The following RBM6 variants were observed in gnomAD, a reference collection of about 807,000 sequenced individuals.
The protein encoded by RBM6 is RNA binding motif protein 6.
A neutral mutation model predicts 140.4 loss-of-function variants in RBM6; 23 were observed. The observed-to-expected ratio is 0.16, with a 90% CI of 0.12 to 0.23. The LOEUF (loss-of-function observed/expected upper bound fraction) is 0.23, where lower values mean the gene tolerates loss of function less well. Ranked by LOEUF, RBM6 falls within the 10% of genes least tolerant of loss-of-function variation. RBM6 has a pLI of 1.00. For synonymous variants in RBM6, 439 were observed against 475.6 expected (o/e 0.92, Z 1.00); for missense variants, 1,139 against 1,386.7 (o/e 0.82, Z 2.84).
At chr3:50,013,589 A>G (rs1435434852) in intron 6 of RBM6, among the ~76,000 whole-genome samples, 1 of 151,774 alleles carries the variant, frequency 6.6e-6, no homozygotes, top group African/African-American at 2.4e-5. Context: ...AATCGCTTGA[A>G]CCCTGGAGGT....
chr3:50,075,459 T>C, intron 20 of RBM6, 129 bp downstream of exon 20: 1 of 1,265,536 alleles, frequency 7.9e-7, no homozygotes. Flanking sequence ...GACATGAGAG[T>C]TGAACACTTT....
intron 17 of RBM6, among the ~76,000 whole-genome samples, chr3:50,066,782 C>T (rs2090136600): frequency 6.6e-6 from 1 of 151,874 alleles, no homozygotes; most frequent in Non-Finnish European, 1.5e-5. Context: ...GAGCCGAGAT[C>T]GTGCCACTGC....
In RBM6 at chr3:49,967,354, C is replaced by T. The variant is rs2084555990; in HGVS notation, c.45-116C>T. ...GCAGATCTAGGACCTTGTTACAGAA[C>T]TCTGCCAAAAAAAAAATGTTTACAG... On this transcript the variant is annotated intron_variant, in intron 2 of 20. Transcript: ENST00000266022. The surrounding 1 kb of genome is among the most constrained non-coding windows in gnomAD (Gnocchi z 4.0). The T allele has an allele frequency of 6.7e-7, 1 of 1,495,208 alleles. No homozygotes were observed. Among genetic ancestry groups the T allele is most frequent in the Admixed American group, 2.5e-5 (1 of 40,440 alleles). The allele number at this position is 1,495,208 out of a possible 1,614,324, so 92.6% of individuals were successfully genotyped here. A position where few individuals can be genotyped will look rare whatever the true frequency, so the allele number is the denominator to read the frequency against.
intron 14 of RBM6, 191 bp downstream of exon 14, chr3:50,061,738 T>C (rs1481601984): frequency 2.2e-6 from 3 of 1,370,244 alleles, no homozygotes; most frequent in Non-Finnish European, 2.9e-6. Context: ...CAGTGCCTTG[T>C]GGCAATACAG....
intron 4 of RBM6, among the ~76,000 whole-genome samples, chr3:49,973,491 T>C (rs1389621013): frequency 6.6e-6 from 1 of 151,912 alleles, no homozygotes; most frequent in Non-Finnish European, 1.5e-5. Context: ...AACTGGACAC[T>C]AAAAGGTTAC....
At chr3:50,068,500 C>T (rs967023269) in intron 17 of RBM6, among the ~76,000 whole-genome samples, 190 bp from the exon 18 acceptor site, 25 of 152,170 alleles carry the variant, frequency 1.6e-4, no homozygotes, top group Non-Finnish European at 3.7e-4. Context: ...TCCTCTTATG[C>T]CATACCACAT....
At chr3:49,979,624 A>G (rs1461813813) in intron 5 of RBM6, among the ~76,000 whole-genome samples, 1 of 151,968 alleles carries the variant, frequency 6.6e-6, no homozygotes, top group East Asian at 1.9e-4. Flanking sequence ...TATTTTTAGT[A>G]GAGACGGGGT....
intron 14 of RBM6, 181 bp from the exon 15 acceptor site, chr3:50,061,781 A>G (rs1298772477): frequency 4.7e-6 from 6 of 1,273,678 alleles, no homozygotes; most frequent in Non-Finnish European, 5.3e-6. Flanking sequence ...AAAAGTGGAC[A>G]GTGGGTGGTC....
intron 6 of RBM6, among the ~76,000 whole-genome samples, chr3:49,999,714 A>G (rs1158675099): frequency 6.6e-6 from 1 of 152,058 alleles, no homozygotes; most frequent in Non-Finnish European, 1.5e-5. Flanking sequence ...CACAGAGTGC[A>G]TTTTAAAAGC....
Position 49,954,865 on chromosome 3 carries a change from TCTC to T in RBM6, c.-66-7708_-66-7706del, listed in dbSNP as rs2083901824. 2.6e-5 allele frequency among the ~76,000 whole-genome samples: 4 copies of T among 150,964 alleles called. No individual in the cohort carries two copies. In the South Asian group the frequency reaches 8.4e-4, roughly 32 times the overall value. ...GCTCCGCCTCCCAGGTTCACACCATTCTCCTGCCTCAGCCTCCCCAGCAGCTGG... is the reference window on the plus strand; with the variant it reads ...GCTCCGCCTCCCAGGTTCACACCATTCTGCCTCAGCCTCCCCAGCAGCTGG... On this transcript the variant is annotated intron_variant, in intron 1 of 20. Transcript: ENST00000266022.
intron 17 of RBM6, 73 bp from the exon 18 acceptor site, chr3:50,068,617 G>A (rs2090191708): frequency 7.2e-7 from 1 of 1,386,492 alleles, no homozygotes; most frequent in African/African-American, 1.4e-5. Context: ...AGCAACTATT[G>A]GGAAAGGCCT....
chr3:50,057,609 A>AAAG, intron 8 of RBM6, 119 bp from the exon 9 acceptor site: 1 of 517,150 alleles, frequency 1.9e-6, no homozygotes, highest in Non-Finnish European at 3.1e-6. Context: ...AAAAAAAAAA[A>AAAG]GGCATTCCAG....
chr3:50,054,508 CTTTTTT>C, intron 8 of RBM6, 113 bp downstream of exon 8: 2 of 722,200 alleles, frequency 2.8e-6, no homozygotes, highest in Non-Finnish European at 4.5e-6. Context: ...ATCTACAAAC[CTTTTTT>C]TTTTTTTTTG....
intron 6 of RBM6, among the ~76,000 whole-genome samples, chr3:50,007,062 A>G (rs2086615936): frequency 6.6e-6 from 1 of 151,914 alleles, no homozygotes; most frequent in East Asian, 1.9e-4. Flanking sequence ...AATGGAGTAT[A>G]TGGCAAAAAG....
chr3:50,060,069 G>A (rs1410742398), intron 11 of RBM6, among the ~76,000 whole-genome samples: 1 of 152,088 alleles, frequency 6.6e-6, no homozygotes, highest in Non-Finnish European at 1.5e-5. Flanking sequence ...CGGGTTACAT[G>A]AGCCCAGGAG....
At chr3:49,947,586 G>A (rs1184875739) in intron 1 of RBM6, among the ~76,000 whole-genome samples, 1 of 151,862 alleles carries the variant, frequency 6.6e-6, no homozygotes, top group African/African-American at 2.4e-5. Flanking sequence ...GATGCACAGA[G>A]GTTTTCATTT....
rs2090428120 is a variant in RBM6, at chr3:50,075,322, T to C, written c.3238T>C (p.Ser1080Pro). Residue 1080 changes from serine to proline, a missense_variant, in exon 20 of 21, where the codon TCA becomes CCA. Around this residue, in one of 9 missense-constraint regions of RBM6, gnomAD observed 125 missense variants for 142.0 expected, o/e 0.88. Transcript: ENST00000266022. ...LGYGHPGLAS[S>P]EEAEGRMRGP... Reference sequence around the variant, plus strand: ...ATATGGCCATCCTGGATTGGCTTCATCAGAGGAGGTAAAATGGTTTCCATC... The same window carrying C: ...ATATGGCCATCCTGGATTGGCTTCACCAGAGGAGGTAAAATGGTTTCCATC... 3.7e-6 allele frequency: 6 copies of C among 1,609,632 alleles called. No homozygotes were observed. Among genetic ancestry groups the C allele is most frequent in the Middle Eastern group, 1.7e-4 (1 of 6,040 alleles).
At chr3:49,984,956 A>G (rs2085494367) in intron 5 of RBM6, among the ~76,000 whole-genome samples, 1 of 152,158 alleles carries the variant, frequency 6.6e-6, no homozygotes, top group South Asian at 2.1e-4. Flanking sequence ...GAGGTTGGGG[A>G]AGGTGTTTGA....
At chr3:49,978,269 G>T (rs1178674882) in intron 5 of RBM6, among the ~76,000 whole-genome samples, 1 of 152,110 alleles carries the variant, frequency 6.6e-6, no homozygotes, top group Non-Finnish European at 1.5e-5. Flanking sequence ...CCACAGTGCT[G>T]GGATTACAGA....
Sources: gnomAD v4.1 joint callset for allele counts (sites outside exome capture counted in the v4.1 genomes callset) on GRCh38, gnomAD v4.1.1 for gene constraint, gnomAD v4.1.1 regional missense constraint, Gnocchi (gnomAD v3.1) non-coding constraint, MANE v1.5 for transcripts, NCBI Gene and HGNC (gene_info 2026-07-23, HGNC 2026-07-21) for gene names.